Variants in KYAT3 observed in about 807,000 individuals in gnomAD.
The protein encoded by KYAT3 is kynurenine aminotransferase 3.
Under a neutral mutation model 59.0 loss-of-function variants are expected in KYAT3, and 50 were observed. The observed-to-expected ratio is 0.85, with a 90% confidence interval of 0.68 to 1.07. The LOEUF (loss-of-function observed/expected upper bound fraction) is 1.07. Ranked by LOEUF, KYAT3 falls within the 50% of genes least tolerant of loss-of-function variation. KYAT3 has a pLI of 0.00. For missense variants in KYAT3, 497 were observed against 533.3 expected (o/e 0.93, Z 0.67); for synonymous variants, 148 against 177.0 (o/e 0.84, Z 1.30).
chr1:88,926,885 G>A, the KYAT3 span, among the ~76,000 whole-genome samples: 1 of 152,066 alleles, frequency 6.6e-6, no homozygotes, highest in African/African-American at 2.4e-5. Context: ...AATCTTGATG[G>A]GGCAGCTGGG....
chr1:88,929,661 A>G, the KYAT3 span, among the ~76,000 whole-genome samples: 5 of 152,152 alleles, frequency 3.3e-5, no homozygotes, highest in Admixed American at 3.3e-4. Context: ...GCACTCTTAA[A>G]TTTCCTCGCC....
intron 13 of KYAT3, among the ~76,000 whole-genome samples, chr1:88,941,941 G>A (rs778285266): frequency 3.3e-5 from 5 of 152,050 alleles, no homozygotes; most frequent in Non-Finnish European, 5.9e-5. Context: ...GTATTTCATT[G>A]ACCTTTTTAG....
chr1:88,966,506 A>T (rs1044157946), intron 4 of KYAT3, among the ~76,000 whole-genome samples: 4 of 152,116 alleles, frequency 2.6e-5, no homozygotes, highest in African/African-American at 9.7e-5. Flanking sequence ...TATTTAAAAA[A>T]TTTTACTTTC....
At chr1:88,965,635 T>C (rs1676319099) in intron 4 of KYAT3, among the ~76,000 whole-genome samples, 1 of 152,184 alleles carries the variant, frequency 6.6e-6, no homozygotes. Flanking sequence ...CCCTAAGTTC[T>C]CTTCTAGGCT....
At chr1:88,951,992 G>A (rs1391418746) in intron 10 of KYAT3, among the ~76,000 whole-genome samples, 1 of 152,166 alleles carries the variant, frequency 6.6e-6, no homozygotes, top group African/African-American at 2.4e-5. Context: ...CACAGGAAAT[G>A]TGTTGACGGA....
chr1:88,964,529 G>C, intron 5 of KYAT3: 4 of 293,972 alleles, frequency 1.4e-5, no homozygotes, highest in Non-Finnish European at 2.6e-5. Flanking sequence ...ACAAGCCTAT[G>C]GTAATAGAAG....
At chr1:88,948,736 C>T (rs1675544654) in intron 11 of KYAT3, among the ~76,000 whole-genome samples, 1 of 152,146 alleles carries the variant, frequency 6.6e-6, no homozygotes, top group African/African-American at 2.4e-5. Flanking sequence ...TGAAATAGTA[C>T]ATTTTGTTAA....
intron 4 of KYAT3, 100 bp downstream of exon 4, chr1:88,968,570 T>C (rs1676429488): frequency 2.1e-6 from 2 of 962,554 alleles, no homozygotes; most frequent in Non-Finnish European, 2.9e-6. Flanking sequence ...TCCCAGAAAG[T>C]CACTTATATA....
intron 2 of KYAT3, among the ~76,000 whole-genome samples, chr1:88,978,431 T>G (rs1295191077): frequency 2.0e-5 from 3 of 151,818 alleles, no homozygotes; most frequent in Non-Finnish European, 4.4e-5. Flanking sequence ...CTCAACCTCC[T>G]GGCTAAGGTG....
rs1471504582 is a variant in KYAT3 at position 88,943,329 on chromosome 1, G to A, written c.1215+21C>T. 9.5e-6 allele frequency: 13 copies of A among 1,373,562 alleles called. No homozygotes were observed. The African/African-American group carries it at 1.5e-4, about 15-fold the overall frequency. 85.1% of individuals were successfully genotyped at this position (1,373,562 alleles called of 1,614,324 possible). On this transcript the variant is annotated intron_variant, in intron 12 of 13. Transcript: ENST00000260508. ...TAACTATAAAATATAACAGAATCTT[G>A]CAAAGAACAATAAACATTACCTTAT...
At chr1:88,956,918 C>A (rs528097377) in intron 8 of KYAT3, among the ~76,000 whole-genome samples, 1 of 152,244 alleles carries the variant, frequency 6.6e-6, no homozygotes, top group South Asian at 2.1e-4. Flanking sequence ...CAAGTTTTTC[C>A]ACTTGTTTTT....
intron 1 of KYAT3, among the ~76,000 whole-genome samples, chr1:88,991,197 G>A (rs143325484): frequency 1.3e-4 from 20 of 152,322 alleles, no homozygotes; most frequent in African/African-American, 4.6e-4. Context: ...GAGAAAGCTG[G>A]TGAATTTTGG....
chr1:88,930,790 T>C (rs561393929), downstream of KYAT3, among the ~76,000 whole-genome samples: 36 of 152,238 alleles, frequency 2.4e-4, no homozygotes, highest in Admixed American at 1.4e-3. Flanking sequence ...AGGAAGCCAT[T>C]AGGAGATTAT....
intron 2 of KYAT3, among the ~76,000 whole-genome samples, chr1:88,974,812 G>C (rs1288657749): frequency 6.6e-6 from 1 of 152,170 alleles, no homozygotes; most frequent in Non-Finnish European, 1.5e-5. Context: ...TCTGTGTCTA[G>C]CTAAAGGATT....
At chr1:88,982,115 TTG>T (rs1298170779) in intron 2 of KYAT3, 1 of 985,460 alleles carries the variant, frequency 1.0e-6, no homozygotes, top group Non-Finnish European at 1.2e-6. Flanking sequence ...TTTGCTTTTT[TTG>T]GGTTTACTGG....
At chr1:88,932,174 T>C (rs140635967), downstream of KYAT3, among the ~76,000 whole-genome samples, 149 of 152,356 alleles carry the variant, frequency 9.8e-4, no homozygotes, top group African/African-American at 3.3e-3. Context: ...TAGCTCATTC[T>C]TTGAAGGCAC....
chr1:88,950,857 A>T (rs1675637866), intron 10 of KYAT3, among the ~76,000 whole-genome samples: 1 of 152,184 alleles, frequency 6.6e-6, no homozygotes, highest in Non-Finnish European at 1.5e-5. Flanking sequence ...GTGACTTCCT[A>T]TCTCACTCAG....
At position 88,986,191 on chromosome 1, in the gene KYAT3, AAAGAG is replaced by A. The variant is rs781025700; in HGVS notation, c.99+2056_99+2060del. Among the ~76,000 whole-genome samples, 17 of 148,686 alleles carry A rather than the reference AAAGAG, an allele frequency of 1.1e-4. 1 individual carries two copies. The highest frequency in any genetic ancestry group is 1.5e-4 in the Non-Finnish European group (10 of 66,586). On this transcript the variant is annotated intron_variant, in intron 2 of 13. Coordinates refer to ENST00000260508, the MANE Select transcript of KYAT3 (RefSeq NM_001008661.3). ...AGTGAGAGACTGTATGAAAAAAAAAAAAGAGAGAGAGAGAGAGACAGAGAGAGTTG... is the reference window on the plus strand; with the variant it reads ...AGTGAGAGACTGTATGAAAAAAAAAAAGAGAGAGAGAGACAGAGAGAGTTG...
intron 8 of KYAT3, among the ~76,000 whole-genome samples, chr1:88,960,203 G>A (rs1676085933): frequency 6.6e-6 from 1 of 151,664 alleles, no homozygotes; most frequent in Non-Finnish European, 1.5e-5. Context: ...TCAAAGTGCT[G>A]GGATTACAGG....
Sources: gnomAD v4.1 joint callset for allele counts (sites outside exome capture counted in the v4.1 genomes callset) on GRCh38, gnomAD v4.1.1 for gene constraint, MANE v1.5 for transcripts, NCBI Gene and HGNC (gene_info 2026-07-23, HGNC 2026-07-21) for gene names.